EYS: variants seen among roughly 807,000 people sequenced by gnomAD.
The protein encoded by EYS is protein eyes shut homolog.
A neutral mutation model predicts 282.1 loss-of-function variants in EYS; 250 were observed. The ratio of observed to expected loss-of-function variants is 0.89; its 90% CI spans 0.80 to 0.98. The LOEUF is 0.98. Ranked by LOEUF, EYS falls within the 50% of genes least tolerant of loss-of-function variation. EYS has a pLI of 0.00. For synonymous variants in EYS, 1,355 were observed against 1,282.9 expected (o/e 1.06, Z -1.20); for missense variants, 4,016 against 3,709.0 (o/e 1.08, Z -2.15).
At chr6:64,554,632 T>C (rs1451086059) in intron 26 of EYS, among the ~76,000 whole-genome samples, 1 of 151,922 alleles carries the variant, frequency 6.6e-6, no homozygotes, top group African/African-American at 2.4e-5. Flanking sequence ...AATCATATTT[T>C]CAATAAGGGA....
intron 11 of EYS, among the ~76,000 whole-genome samples, chr6:65,313,795 T>C (rs1769225491): frequency 6.6e-6 from 1 of 152,162 alleles, no homozygotes; most frequent in Non-Finnish European, 1.5e-5. Flanking sequence ...CTTTAGTCTG[T>C]ACTCAATGTA....
chr6:64,328,032 T>G (rs549872198), intron 29 of EYS, among the ~76,000 whole-genome samples: 3 of 152,184 alleles, frequency 2.0e-5, no homozygotes, highest in Admixed American at 6.5e-5. Context: ...TTTATTTGAA[T>G]GCACAGAATG....
intron 12 of EYS, among the ~76,000 whole-genome samples, chr6:65,167,046 G>A (rs141982730): frequency 8.6e-5 from 13 of 151,324 alleles, no homozygotes; most frequent in African/African-American, 3.1e-4. Flanking sequence ...TGTAACAACT[G>A]TTGGTAAAAT....
At chr6:65,129,458 A>T (rs768766737) in intron 12 of EYS, among the ~76,000 whole-genome samples, 1 of 151,936 alleles carries the variant, frequency 6.6e-6, no homozygotes, top group Non-Finnish European at 1.5e-5. Flanking sequence ...ATTTGAAGAA[A>T]ACAAAAGGCA....
chr6:64,474,294 A>G (rs558158496), intron 26 of EYS, among the ~76,000 whole-genome samples: 1 of 152,230 alleles, frequency 6.6e-6, no homozygotes, highest in Non-Finnish European at 1.5e-5. Flanking sequence ...CTTCAATGAT[A>G]TTTTCCTATT....
chr6:64,271,499 G>C (rs1241824927), intron 30 of EYS, among the ~76,000 whole-genome samples: 1 of 152,060 alleles, frequency 6.6e-6, no homozygotes, highest in Non-Finnish European at 1.5e-5. Context: ...AAAAATTTAT[G>C]TTAAAGATTT....
intron 30 of EYS, among the ~76,000 whole-genome samples, chr6:64,278,227 G>T (rs1383869678): frequency 6.6e-6 from 1 of 152,088 alleles, no homozygotes; most frequent in Admixed American, 6.5e-5. Context: ...GAATTAAGCA[G>T]AAAGTTTATG....
chr6:65,042,853 T>G (rs2150150142), intron 13 of EYS, among the ~76,000 whole-genome samples: 1 of 151,368 alleles, frequency 6.6e-6, no homozygotes, highest in East Asian at 1.9e-4. Context: ...ATATTTATTT[T>G]ATTAAAATTA....
intron 13 of EYS, among the ~76,000 whole-genome samples, chr6:65,003,165 G>A (rs1347393815): frequency 1.4e-5 from 2 of 147,596 alleles, no homozygotes; most frequent in African/African-American, 2.4e-5. Context: ...AAAAGCAAAT[G>A]GGAGAAATAT....
intron 33 of EYS, among the ~76,000 whole-genome samples, chr6:64,009,388 A>T (rs1204320386): frequency 6.7e-6 from 1 of 150,342 alleles, no homozygotes; most frequent in Non-Finnish European, 1.5e-5. Context: ...GGTTCATGCC[A>T]TTCTCCTGCC....
In EYS at chr6:65,363,250, A is replaced by G. The variant is rs182747583; in HGVS notation, c.1300-9633T>C. ...TGCTCTTATAGGCTACATAACATCT[A>G]TTTATTTCATTCTTCTATCAAACAA... On this transcript the variant is annotated intron_variant, in intron 8 of 42. Transcript: ENST00000503581. Among the ~76,000 whole-genome samples the G allele has an allele frequency of 7.2e-5, 11 of 152,044 alleles. No individual in the cohort carries two copies. The East Asian group carries it at 2.1e-3, about 29-fold the overall frequency.
chr6:64,832,321 C>T (rs1765245778), intron 19 of EYS, among the ~76,000 whole-genome samples: 1 of 151,636 alleles, frequency 6.6e-6, no homozygotes, highest in Admixed American at 6.6e-5. Flanking sequence ...ATTTAAAGTA[C>T]TGTTTAGTTC....
Position 64,962,336 on chromosome 6 carries a change from G to C in EYS, c.2260-16422C>G, listed in dbSNP as rs9445449. On this transcript the variant is annotated intron_variant, in intron 14 of 42. Coordinates refer to ENST00000503581, the MANE Select transcript of EYS (RefSeq NM_001142800.2). The stretch of plus-strand genomic sequence containing the variant: ...TAGTTGTGTTAAATAAAAATAAACT[G>C]TTTATCTAATTTATCTATGTATCTC... Among the ~76,000 whole-genome samples, 1,332 of 151,894 alleles carry C rather than the reference G, an allele frequency of 8.8e-3. 18 individuals carry two copies. Among genetic ancestry groups the C allele is most frequent in the African/African-American group, 0.03 (1,232 of 41,426 alleles).
At chr6:64,343,707 C>T (rs976080815) in intron 29 of EYS, among the ~76,000 whole-genome samples, 1 of 151,462 alleles carries the variant, frequency 6.6e-6, no homozygotes, top group Non-Finnish European at 1.5e-5. Flanking sequence ...TAACTAAGAT[C>T]GAGCAGAACT....
chr6:65,693,366 C>T (rs1353976027), intron 1 of EYS, among the ~76,000 whole-genome samples: 1 of 147,312 alleles, frequency 6.8e-6, no homozygotes, highest in Non-Finnish European at 1.5e-5. Flanking sequence ...CTGATAGAGA[C>T]ACAGCCCTCA....
chr6:64,449,642 A>G (rs1180308700), intron 26 of EYS, among the ~76,000 whole-genome samples: 1 of 152,196 alleles, frequency 6.6e-6, no homozygotes, highest in Non-Finnish European at 1.5e-5. Context: ...AGCCCATCAG[A>G]CTAACAGCTG....
intron 26 of EYS, among the ~76,000 whole-genome samples, chr6:64,552,568 C>T (rs1251478738): frequency 1.3e-5 from 2 of 152,176 alleles, no homozygotes; most frequent in African/African-American, 2.4e-5. Flanking sequence ...ACAGTCCCTT[C>T]TGTTGATTCC....
chr6:64,449,565 A>G (rs986659929), intron 26 of EYS, among the ~76,000 whole-genome samples: 8 of 152,324 alleles, frequency 5.3e-5, no homozygotes, highest in African/African-American at 1.4e-4. Flanking sequence ...CAGATTCACC[A>G]AAGTTGAAAT....
At chr6:64,520,515 T>C (rs1777702077) in intron 26 of EYS, among the ~76,000 whole-genome samples, 1 of 151,530 alleles carries the variant, frequency 6.6e-6, no homozygotes, top group Non-Finnish European at 1.5e-5. Flanking sequence ...TGATTTTGAG[T>C]GGGGTTTGCA....
Sources: gnomAD v4.1 joint callset for allele counts (sites outside exome capture counted in the v4.1 genomes callset) on GRCh38, gnomAD v4.1.1 for gene constraint, MANE v1.5 for transcripts, NCBI Gene and HGNC (gene_info 2026-07-23, HGNC 2026-07-21) for gene names.